Variants in PTPRG observed in about 807,000 individuals in gnomAD.
PTPRG encodes the protein protein tyrosine phosphatase receptor type G.
A neutral mutation model predicts 165.3 loss-of-function variants in PTPRG; 102 were observed. The observed-to-expected ratio is 0.62, with a 90% CI of 0.53 to 0.73. PTPRG has a LOEUF of 0.73. Among genes scored for constraint, PTPRG ranks in the 30% least tolerant of loss-of-function variants. PTPRG has a pLI of 0.00. For synonymous variants in PTPRG, 675 were observed against 669.5 expected (o/e 1.01, Z -0.13); for missense variants, 1,866 against 1,861.4 (o/e 1.00, Z -0.05).
chr3:61,567,383 G>A (rs142228395), intron 1 of PTPRG, among the ~76,000 whole-genome samples: 1 of 152,122 alleles, frequency 6.6e-6, no homozygotes. Context: ...CTGTGCAAAT[G>A]ATTAAAAGAT....
chr3:62,280,741 C>A (rs887157688), intron 26 of PTPRG, among the ~76,000 whole-genome samples: 4 of 151,932 alleles, frequency 2.6e-5, no homozygotes, highest in Non-Finnish European at 5.9e-5. Flanking sequence ...ATCAACACCT[C>A]GTAAAGATAT....
chr3:61,864,574 C>T (rs1471410162), intron 2 of PTPRG, among the ~76,000 whole-genome samples: 1 of 152,172 alleles, frequency 6.6e-6, no homozygotes, highest in Non-Finnish European at 1.5e-5. Flanking sequence ...CTTTAATAAA[C>T]GATCAAGTTC....
intron 7 of PTPRG, among the ~76,000 whole-genome samples, chr3:62,166,739 G>C (rs1321294161): frequency 2.0e-5 from 3 of 152,082 alleles, no homozygotes; most frequent in African/African-American, 7.2e-5. Context: ...ACCCAGACTG[G>C]AGTGCATGGT....
chr3:62,153,880 T>C (rs1441748892), intron 6 of PTPRG, among the ~76,000 whole-genome samples: 3 of 152,182 alleles, frequency 2.0e-5, no homozygotes, highest in Non-Finnish European at 4.4e-5. Flanking sequence ...TCACAAGTGC[T>C]GGGGGTGCTG....
chr3:61,795,547 G>A (rs910624839), intron 2 of PTPRG, among the ~76,000 whole-genome samples: 3 of 144,748 alleles, frequency 2.1e-5, no homozygotes, highest in African/African-American at 7.8e-5. Flanking sequence ...GGCCGAGACA[G>A]GAGAATCACT....
chr3:61,700,013 A>C (rs2030866130), intron 1 of PTPRG, among the ~76,000 whole-genome samples: 1 of 152,116 alleles, frequency 6.6e-6, no homozygotes, highest in Non-Finnish European at 1.5e-5. Flanking sequence ...GGTCAGTGAT[A>C]TCTGGGATTC....
chr3:62,283,656 C>T (rs984399915), intron 28 of PTPRG, among the ~76,000 whole-genome samples: 3 of 152,054 alleles, frequency 2.0e-5, no homozygotes, highest in African/African-American at 7.2e-5. Flanking sequence ...TCATTATGTT[C>T]ATTAAATTAC....
chr3:61,570,050 T>G (rs1700020676), intron 1 of PTPRG, among the ~76,000 whole-genome samples: 1 of 152,210 alleles, frequency 6.6e-6, no homozygotes, highest in African/African-American at 2.4e-5. Context: ...GACAGTGTGG[T>G]AATGGAGGGA....
intron 2 of PTPRG, among the ~76,000 whole-genome samples, chr3:61,781,890 GTTT>G (rs34682047): frequency 7.5e-6 from 1 of 133,772 alleles, no homozygotes; most frequent in East Asian, 2.2e-4. Context: ...ACCATGCCCA[GTTT>G]TTTTTTTTTT....
chr3:61,832,989 G>A (rs968231326), intron 2 of PTPRG, among the ~76,000 whole-genome samples: 4 of 151,908 alleles, frequency 2.6e-5, no homozygotes, highest in African/African-American at 9.7e-5. Context: ...ATATCACTTA[G>A]AATAATAGTA....
At chr3:61,702,837 T>A (rs887900714) in intron 1 of PTPRG, among the ~76,000 whole-genome samples, 1 of 152,238 alleles carries the variant, frequency 6.6e-6, no homozygotes. Flanking sequence ...TCTTTAGTTA[T>A]TGATTATACA....
rs138416854 is a variant in PTPRG, at chr3:61,823,185, G to GGTTT, written c.190+74216_190+74219dup. Among the ~76,000 whole-genome samples the GGTTT allele has an allele frequency of 2.0e-5, 3 of 152,208 alleles. No individual in the cohort carries two copies. In the East Asian group the frequency reaches 5.8e-4, roughly 29 times the overall value. The stretch of plus-strand genomic sequence containing the variant: ...AAATTGATGATGAGCCAGTTGCACA[G>GGTTT]GTTTGTTTGTTTGTTTTTGTTTTGA... On this transcript the variant is annotated intron_variant, in intron 2 of 29. Transcript: ENST00000474889.
intron 5 of PTPRG, among the ~76,000 whole-genome samples, chr3:62,081,284 AC>A (rs1174992426): frequency 2.6e-5 from 4 of 151,712 alleles, no homozygotes; most frequent in Non-Finnish European, 5.9e-5. Flanking sequence ...AAACAAACAA[AC>A]AAACAAACAA....
At chr3:62,284,443 T>C (rs946375670) in intron 28 of PTPRG, among the ~76,000 whole-genome samples, 2 of 152,094 alleles carry the variant, frequency 1.3e-5, no homozygotes, top group African/African-American at 2.4e-5. Flanking sequence ...GATCTGCAAA[T>C]ATCATATAGG....
intron 2 of PTPRG, among the ~76,000 whole-genome samples, chr3:61,810,763 T>A (rs973834037): frequency 6.6e-6 from 1 of 152,172 alleles, no homozygotes; most frequent in Admixed American, 6.5e-5. Flanking sequence ...TTAGAATGAA[T>A]AGGCATTTTT....
At position 61,682,010 on chromosome 3, in the gene PTPRG, C is replaced by T. The variant is rs113778678; in HGVS notation, c.86-66868C>T. Among the ~76,000 whole-genome samples, 635 of 151,804 alleles carry T rather than the reference C, an allele frequency of 4.2e-3. 10 individuals carry two copies. The highest frequency in any genetic ancestry group is 0.015 in the African/African-American group (608 of 41,378). ...ACTAAAAATACAAAAATTAGCCAGG[C>T]GTGGGGTGCACACCTGTAATCCCAA... On this transcript the variant is annotated intron_variant, in intron 1 of 29. Transcript: ENST00000474889.
chr3:62,188,551 C>T (rs1017146847), intron 8 of PTPRG, among the ~76,000 whole-genome samples: 3 of 152,134 alleles, frequency 2.0e-5, no homozygotes, highest in African/African-American at 7.2e-5. Flanking sequence ...TTTTAACTTT[C>T]TTTTTACTTT....
chr3:62,219,710 C>T lies in PTPRG; in HGVS notation c.2288+727C>T, dbSNP rs1700604415. Among the ~76,000 whole-genome samples the T allele has an allele frequency of 6.6e-6, 1 of 152,192 alleles. No homozygotes were observed. Among genetic ancestry groups the T allele is most frequent in the South Asian group, 2.1e-4 (1 of 4,830 alleles). ...TCTGACAGGCTTCACCAGTGAGAAA[C>T]AGGTGTCATATTTTCATCTCTCCCT... On this transcript the variant is annotated intron_variant, in intron 13 of 29. Coordinates refer to ENST00000474889, the MANE Select transcript of PTPRG (RefSeq NM_002841.4). The surrounding 1 kb of genome is among the most constrained non-coding windows in gnomAD (Gnocchi z 4.5).
At chr3:62,099,045 C>A (rs1055751671) in intron 5 of PTPRG, among the ~76,000 whole-genome samples, 2 of 152,116 alleles carry the variant, frequency 1.3e-5, no homozygotes, top group Non-Finnish European at 2.9e-5. Context: ...GGACGTATCC[C>A]TGATGCCCAC....
Sources: allele counts gnomAD v4.1 joint callset (sites outside exome capture counted in the v4.1 genomes callset), GRCh38; gene constraint gnomAD v4.1.1; non-coding constraint Gnocchi (gnomAD v3.1); transcripts MANE v1.5; gene names NCBI Gene and HGNC (gene_info 2026-07-23, HGNC 2026-07-21).